Variants in SEMA3A observed in about 807,000 individuals in gnomAD.
The protein encoded by SEMA3A is semaphorin-3A.
SEMA3A carries 29 observed loss-of-function variants against 97.9 expected under a neutral mutation model. The ratio of observed to expected loss-of-function variants is 0.30; its 90% CI spans 0.22 to 0.40. The LOEUF is 0.40. Among genes scored for constraint, SEMA3A ranks in the 10% least tolerant of loss-of-function variants. SEMA3A has a pLI of 1.00. For missense variants in SEMA3A, 763 were observed against 951.3 expected, an observed-to-expected ratio of 0.80 and a Z score of 2.60; for synonymous variants, 321 against 323.7, an observed-to-expected ratio of 0.99 and a Z score of 0.09.
chr7:84,492,155 A>G (rs1170887195), intron 1 of SEMA3A, among the ~76,000 whole-genome samples: 2 of 152,112 alleles, frequency 1.3e-5, no homozygotes, highest in African/African-American at 4.8e-5. Flanking sequence ...CATTTTTGAC[A>G]GTAATAAAGG....
chr7:83,985,704 T>C (rs1423826662), intron 12 of SEMA3A, among the ~76,000 whole-genome samples: 3 of 152,138 alleles, frequency 2.0e-5, no homozygotes, highest in African/African-American at 7.2e-5. Context: ...ATACCTGTAG[T>C]TGACCAAGTT....
chr7:84,165,500 T>A (rs1797175663), intron 1 of SEMA3A, among the ~76,000 whole-genome samples: 1 of 151,636 alleles, frequency 6.6e-6, no homozygotes, highest in African/African-American at 2.4e-5. Context: ...AAAAAAAAAA[T>A]ATTACATATG....
chr7:84,264,986 C>T (rs1370457809), intron 3 of SEMA3A, among the ~76,000 whole-genome samples: 1 of 152,130 alleles, frequency 6.6e-6, no homozygotes, highest in Admixed American at 6.5e-5. Context: ...ATCCATTTCC[C>T]TAGTACACTA....
At chr7:84,450,272 T>C (rs904883931) in intron 1 of SEMA3A, among the ~76,000 whole-genome samples, 1 of 152,104 alleles carries the variant, frequency 6.6e-6, no homozygotes, top group Non-Finnish European at 1.5e-5. Context: ...ATAACAGACA[T>C]CTGCAGGAGT....
intron 1 of SEMA3A, chr7:84,489,311 T>G (rs918368973): frequency 1.3e-5 from 2 of 152,070 alleles, no homozygotes; most frequent in Admixed American, 1.3e-4. Context: ...CCTTGACACA[T>G]GGGGCTTATT....
chr7:84,022,909 T>C (rs1225962815), intron 6 of SEMA3A, among the ~76,000 whole-genome samples: 3 of 152,192 alleles, frequency 2.0e-5, no homozygotes, highest in Non-Finnish European at 4.4e-5. Context: ...TTTACTAATC[T>C]TGGGCCAATG....
chr7:84,462,618 G>A (rs1805874838), intron 1 of SEMA3A, among the ~76,000 whole-genome samples: 1 of 152,080 alleles, frequency 6.6e-6, no homozygotes, highest in African/African-American at 2.4e-5. Flanking sequence ...GTTCCTTAGA[G>A]CTTTATTTTG....
chr7:84,221,800 A>G (rs1798889678), intron 3 of SEMA3A, among the ~76,000 whole-genome samples: 1 of 152,054 alleles, frequency 6.6e-6, no homozygotes, highest in Non-Finnish European at 1.5e-5. Context: ...ACAGATCACC[A>G]TAACAAATAT....
At chr7:84,108,344 A>T (rs1562787391) in intron 4 of SEMA3A, among the ~76,000 whole-genome samples, 1 of 111,164 alleles carries the variant, frequency 9.0e-6, no homozygotes, top group Non-Finnish European at 2.2e-5. Context: ...GAGTTTCTAC[A>T]GGGAAAAAAA....
At chr7:84,062,725 G>C (rs927324171) in intron 4 of SEMA3A, among the ~76,000 whole-genome samples, 1 of 152,166 alleles carries the variant, frequency 6.6e-6, no homozygotes, top group Non-Finnish European at 1.5e-5. Context: ...CTTAAAAAAC[G>C]GCGCATCACG....
chr7:84,372,003 C>G (rs1479081806), intron 1 of SEMA3A: 1 of 152,000 alleles, frequency 6.6e-6, no homozygotes, highest in Admixed American at 6.6e-5. Context: ...ACACTTCTGT[C>G]CTATTGCCAG....
chr7:83,973,338 C>T (rs1165356572), intron 15 of SEMA3A, among the ~76,000 whole-genome samples: 1 of 151,770 alleles, frequency 6.6e-6, no homozygotes, highest in Non-Finnish European at 1.5e-5. Flanking sequence ...CATTTGGTGT[C>T]CCAGTTTGAT....
Position 84,084,042 on chromosome 7 carries a change from G to C in SEMA3A, c.454-23484C>G, listed in dbSNP as rs148180251. On this transcript the variant is annotated intron_variant, in intron 4 of 16. Coordinates refer to ENST00000265362, the MANE Select transcript of SEMA3A (RefSeq NM_006080.3). ...TTCAAGTCCAAATTTCTGCTTGGCT[G>C]GGCATCACTGATCATACAAGCAGTG... Among the ~76,000 whole-genome samples the C allele has an allele frequency of 5.7e-3, 870 of 152,036 alleles. 6 individuals are homozygous for C. Among genetic ancestry groups the C allele is most frequent in the Middle Eastern group, 0.024 (7 of 294 alleles).
Position 83,994,419 on chromosome 7 carries a change from GCT to G in SEMA3A, c.1452+7534_1452+7535del, listed in dbSNP as rs1790110009. 1.7e-5 allele frequency among the ~76,000 whole-genome samples: 2 copies of G among 120,992 alleles called. 1 individual carries two copies. Among genetic ancestry groups the G allele is most frequent in the Non-Finnish European group, 3.4e-5 (2 of 58,248 alleles). The allele number at this position is 120,992 out of a possible 152,430, so 79.4% of individuals were successfully genotyped here. On this transcript the variant is annotated intron_variant, in intron 12 of 16. Coordinates refer to ENST00000265362, the MANE Select transcript of SEMA3A (RefSeq NM_006080.3). ...GCTTTTTAGAGTTTCCAGTTTTTCT[GCT>G]CTGTTTTTTCCCCATCTTTGTGGTT...
intron 2 of SEMA3A, among the ~76,000 whole-genome samples, chr7:84,324,268 T>C (rs1008098396): frequency 6.6e-6 from 1 of 152,188 alleles, no homozygotes; most frequent in Non-Finnish European, 1.5e-5. Flanking sequence ...AAGCAAACTC[T>C]ATAGGACCAG....
At chr7:84,023,182 C>A (rs1791390534) in intron 6 of SEMA3A, among the ~76,000 whole-genome samples, 1 of 152,140 alleles carries the variant, frequency 6.6e-6, no homozygotes, top group Non-Finnish European at 1.5e-5. Flanking sequence ...GAAAATGACA[C>A]CTTGGCACAG....
chr7:84,171,006 C>A (rs1022251684), intron 1 of SEMA3A, among the ~76,000 whole-genome samples: 1 of 151,926 alleles, frequency 6.6e-6, no homozygotes, highest in African/African-American at 2.4e-5. Flanking sequence ...CTCAATTTTG[C>A]TCATTGAGTT....
intron 4 of SEMA3A, among the ~76,000 whole-genome samples, chr7:84,102,676 G>GT (rs1794994679): frequency 7.1e-6 from 1 of 139,910 alleles, no homozygotes; most frequent in South Asian, 2.3e-4. Flanking sequence ...GGCCTCCCGG[G>GT]TTCAAGCAAT....
At chr7:84,332,353 T>G (rs1261382244) in intron 2 of SEMA3A, among the ~76,000 whole-genome samples, 1 of 152,196 alleles carries the variant, frequency 6.6e-6, no homozygotes, top group East Asian at 1.9e-4. Flanking sequence ...ATATGTAATC[T>G]ACCTCTTTTT....
Sources: gnomAD v4.1 joint callset for allele counts (sites outside exome capture counted in the v4.1 genomes callset) on GRCh38, gnomAD v4.1.1 for gene constraint, MANE v1.5 for transcripts, NCBI Gene and HGNC (gene_info 2026-07-23, HGNC 2026-07-21) for gene names.